SPECC1: variants seen among roughly 807,000 people sequenced by gnomAD.
The protein encoded by SPECC1 is sperm antigen with calponin homology and coiled-coil domains 1.
Under a neutral mutation model 104.1 loss-of-function variants are expected in SPECC1, and 62 were observed. That is an observed-to-expected ratio of 0.60 (90% CI 0.49 to 0.74). The LOEUF is 0.74. SPECC1 is among the 30% of genes least tolerant of loss of function. SPECC1 has a pLI of 0.00. For synonymous variants in SPECC1, 513 were observed against 501.6 expected (o/e 1.02, Z -0.30); for missense variants, 1,306 against 1,310.5 (o/e 1.00, Z 0.05).
At chr17:20,054,079 T>A (rs1047147528) in intron 1 of SPECC1, among the ~76,000 whole-genome samples, 1 of 152,236 alleles carries the variant, frequency 6.6e-6, no homozygotes, top group Non-Finnish European at 1.5e-5. Context: ...TCTGTCAGTT[T>A]ATTATTTATC....
chr17:20,295,394 C>T (rs1301186196), intron 12 of SPECC1, among the ~76,000 whole-genome samples: 1 of 152,042 alleles, frequency 6.6e-6, no homozygotes, highest in Non-Finnish European at 1.5e-5. Context: ...GTACATGTGC[C>T]ACATTTTCTT....
chr17:20,110,576 G>A lies in SPECC1; in HGVS notation c.283+14G>A, dbSNP rs1441934652. 2.5e-6 allele frequency: 4 copies of A among 1,605,146 alleles called. No homozygotes were observed. In the Admixed American group the frequency reaches 6.8e-5, roughly 27 times the overall value. On this transcript the variant is annotated intron_variant, in intron 3 of 14. Coordinates refer to ENST00000395527, the MANE Select transcript of SPECC1 (RefSeq NM_001243439.2). Reference sequence around the variant, plus strand: ...GGAGCGGCACAGGTAGGAGGGACCGGGCAGGTGGGCTCGGCAGGCCATCAG... The same window carrying A: ...GGAGCGGCACAGGTAGGAGGGACCGAGCAGGTGGGCTCGGCAGGCCATCAG...
At chr17:20,180,834 CAT>C (rs2034830058) in intron 3 of SPECC1, among the ~76,000 whole-genome samples, 1 of 152,196 alleles carries the variant, frequency 6.6e-6, no homozygotes, top group Admixed American at 6.5e-5. Flanking sequence ...ATGTTGCAAA[CAT>C]ATTTATTGCG....
intron 1 of SPECC1, among the ~76,000 whole-genome samples, chr17:20,028,342 A>G (rs1262973331): frequency 1.3e-5 from 2 of 151,960 alleles, no homozygotes; most frequent in Non-Finnish European, 2.9e-5. Context: ...GACTTTTTTG[A>G]AAATCATCTG....
At chr17:20,284,868 C>T (rs1357169423) in intron 12 of SPECC1, among the ~76,000 whole-genome samples, 1 of 152,210 alleles carries the variant, frequency 6.6e-6, no homozygotes, top group Non-Finnish European at 1.5e-5. Flanking sequence ...GAATGTACAG[C>T]ATTTTCTAAT....
At chr17:20,036,396 C>T (rs1007326235) in intron 1 of SPECC1, among the ~76,000 whole-genome samples, 1 of 152,076 alleles carries the variant, frequency 6.6e-6, no homozygotes, top group African/African-American at 2.4e-5. Context: ...TCCTAAAATG[C>T]TGGGATTACA....
rs114080430 is a variant in SPECC1, at chr17:20,153,826, T to C, written c.283+43264T>C. ...TCACAAACTCAGGCTCTGCCTATCA[T>C]TTTGGAACTATTTGGGGAAGTCGAC... On this transcript the variant is annotated intron_variant, in intron 3 of 14. Transcript: ENST00000395527. 4.8e-3 allele frequency among the ~76,000 whole-genome samples: 726 copies of C among 152,354 alleles called. 6 individuals are homozygous for C. The highest frequency in any genetic ancestry group is 0.017 in the African/African-American group (689 of 41,578).
rs1168474738 is a variant in SPECC1, at chr17:20,144,175, C to CT, written c.283+33640dup. Among the ~76,000 whole-genome samples, 745 of 94,316 alleles carry CT rather than the reference C, an allele frequency of 7.9e-3. 59 individuals are homozygous for CT. The highest frequency in any genetic ancestry group is 0.023 in the East Asian group (56 of 2,404). 61.9% of individuals were successfully genotyped at this position (94,316 alleles called of 152,430 possible). A position where few individuals can be genotyped will look rare whatever the true frequency, so the allele number is the denominator to read the frequency against. On this transcript the variant is annotated intron_variant, in intron 3 of 14. Coordinates refer to ENST00000395527, the MANE Select transcript of SPECC1 (RefSeq NM_001243439.2). ...TTATTTAATACTGTTTTTTTCTTTT[C>CT]TTTTTTTTTTTTTTTTTTTTTTTTT...
At chr17:20,222,574 C>T (rs1432624702) in intron 4 of SPECC1, among the ~76,000 whole-genome samples, 1 of 152,010 alleles carries the variant, frequency 6.6e-6, no homozygotes, top group African/African-American at 2.4e-5. Flanking sequence ...CTTATTATAC[C>T]ATGTCTTGAA....
chr17:20,158,289 G>A (rs570915621), intron 3 of SPECC1, among the ~76,000 whole-genome samples: 36 of 152,330 alleles, frequency 2.4e-4, no homozygotes, highest in African/African-American at 8.2e-4. Context: ...ACACAAGCCT[G>A]AGTGTCGCAT....
Position 20,253,513 on chromosome 17 carries a change from G to T in SPECC1, c.2607G>T (p.Ser869=). ...AAAVSPMQRH[S]TYSSVRPASR... is the part of the protein sequence containing the mutation. ...CCCCCTGGTTTTTACAGAGGCATTC[G>T]ACTTACAGCAGTGTGCGGCCAGCCA... Residue 869 remains serine, a synonymous_variant, in exon 10 of 15, where the codon TCG becomes TCT. Transcript: ENST00000395527. 2 of 1,613,894 alleles carry T rather than the reference G, an allele frequency of 1.2e-6. No homozygotes were observed. The highest frequency in any genetic ancestry group is 2.7e-5 in the African/African-American group (2 of 75,026).
chr17:20,174,325 T>C lies in SPECC1; in HGVS notation c.284-30008T>C, dbSNP rs142783877. On this transcript the variant is annotated intron_variant, in intron 3 of 14. Transcript: ENST00000395527. ...AAGGTGATTTTTAAATAAAATAAATTTTAAAAATTAAATTGATATACTGTA... is the reference window on the plus strand; with the variant it reads ...AAGGTGATTTTTAAATAAAATAAATCTTAAAAATTAAATTGATATACTGTA... 8.9e-4 allele frequency among the ~76,000 whole-genome samples: 135 copies of C among 152,292 alleles called. 2 individuals carry two copies. The East Asian group carries it at 0.023, about 26-fold the overall frequency.
At chr17:20,062,570 G>A (rs10083830) in intron 1 of SPECC1, among the ~76,000 whole-genome samples, 44,931 of 151,932 alleles carry the variant, frequency 0.3, 7,610 homozygotes, top group Middle Eastern at 0.43. Context: ...TTGCTATGAT[G>A]CCCAGGCTAG....
At chr17:20,306,753 T>C (rs2041779162) in intron 14 of SPECC1, among the ~76,000 whole-genome samples, 1 of 152,224 alleles carries the variant, frequency 6.6e-6, no homozygotes, top group Non-Finnish European at 1.5e-5. Context: ...AAATTTATAA[T>C]ATCTGTGCTG....
chr17:20,014,705 CA>C (rs1209278306), intron 1 of SPECC1, among the ~76,000 whole-genome samples: 1 of 152,064 alleles, frequency 6.6e-6, no homozygotes, highest in African/African-American at 2.4e-5. Flanking sequence ...TGAAGCTTTA[CA>C]ATTTTTTTTC....
chr17:20,061,769 G>GT (rs1389067624), intron 1 of SPECC1, among the ~76,000 whole-genome samples: 1 of 152,120 alleles, frequency 6.6e-6, no homozygotes, highest in Non-Finnish European at 1.5e-5. Flanking sequence ...CAACAAATAT[G>GT]TATTAAGGGC....
chr17:20,131,235 A>G (rs1176778162), intron 3 of SPECC1, among the ~76,000 whole-genome samples: 2 of 152,162 alleles, frequency 1.3e-5, no homozygotes, highest in Non-Finnish European at 2.9e-5. Flanking sequence ...TCTGTTGCCC[A>G]GGCTGGAGTG....
chr17:20,153,539 C>T (rs2032201629), intron 3 of SPECC1, among the ~76,000 whole-genome samples: 1 of 152,080 alleles, frequency 6.6e-6, no homozygotes, highest in African/African-American at 2.4e-5. Context: ...AGCAAAGATG[C>T]AGCAAAGACA....
At chr17:20,081,455 G>A (rs947564695) in intron 1 of SPECC1, among the ~76,000 whole-genome samples, 1 of 152,106 alleles carries the variant, frequency 6.6e-6, no homozygotes, top group African/African-American at 2.4e-5. Context: ...CCTGGGGAGC[G>A]GGGATGTGGG....
Sources: gnomAD v4.1 joint callset for allele counts (sites outside exome capture counted in the v4.1 genomes callset) on GRCh38, gnomAD v4.1.1 for gene constraint, MANE v1.5 for transcripts, NCBI Gene and HGNC (gene_info 2026-07-23, HGNC 2026-07-21) for gene names.